The following QTMAN variants were observed in gnomAD, a reference collection of about 807,000 sequenced individuals.
QTMAN encodes queuosine-tRNA mannosyltransferase, also known as tRNA-queuosine alpha-mannosyltransferase.
chr2:143,977,311 A>G, the QTMAN span, among the ~76,000 whole-genome samples: 2 of 152,150 alleles, frequency 1.3e-5, no homozygotes, highest in Admixed American at 6.5e-5. Context: ...TCAAACAGGT[A>G]CAAATAAGTA....
the QTMAN span, among the ~76,000 whole-genome samples, chr2:144,232,770 A>G: frequency 2.0e-5 from 3 of 152,302 alleles, no homozygotes; most frequent in African/African-American, 7.2e-5. Flanking sequence ...ACATATTTAC[A>G]TTGTGAGGAA....
chr2:144,082,186 T>C, the QTMAN span, among the ~76,000 whole-genome samples: 1 of 152,128 alleles, frequency 6.6e-6, no homozygotes, highest in Non-Finnish European at 1.5e-5. Flanking sequence ...CGTGAGTCAC[T>C]CACTCAGCCA....
At chr2:144,177,499 T>C in the QTMAN span, among the ~76,000 whole-genome samples, 1 of 152,152 alleles carries the variant, frequency 6.6e-6, no homozygotes, top group South Asian at 2.1e-4. Context: ...TAGATACAAA[T>C]GCATACGAGG....
the QTMAN span, among the ~76,000 whole-genome samples, chr2:144,262,442 C>T: frequency 6.6e-6 from 1 of 151,546 alleles, no homozygotes; most frequent in Admixed American, 6.6e-5. Flanking sequence ...TGATGGGTCA[C>T]ACCTATAGCC....
At chr2:144,068,806 T>A in the QTMAN span, among the ~76,000 whole-genome samples, 2 of 152,162 alleles carry the variant, frequency 1.3e-5, no homozygotes, top group African/African-American at 4.8e-5. Context: ...AGTCATCTTG[T>A]GAATTAGAAT....
At chr2:144,023,477 C>T in the QTMAN span, among the ~76,000 whole-genome samples, 1 of 152,170 alleles carries the variant, frequency 6.6e-6, no homozygotes, top group African/African-American at 2.4e-5. Context: ...TGGCCAAATT[C>T]CCCTCTTCTG....
At chr2:144,254,684 C>T in the QTMAN span, among the ~76,000 whole-genome samples, 26 of 152,280 alleles carry the variant, frequency 1.7e-4, no homozygotes, top group East Asian at 3.5e-3. Context: ...AATGGGAGAT[C>T]TAGCAACAGC....
At chr2:144,146,774 T>A in the QTMAN span, among the ~76,000 whole-genome samples, 1 of 151,914 alleles carries the variant, frequency 6.6e-6, no homozygotes. Flanking sequence ...ATGCCACCTT[T>A]ATAACATAAT....
chr2:143,945,417 C>T, the QTMAN span: 1 of 152,448 alleles, frequency 6.6e-6, no homozygotes, highest in Non-Finnish European at 1.5e-5. Context: ...GGAGTCTGTT[C>T]AGATGGAGCT....
chr2:144,104,271 G>A, the QTMAN span, among the ~76,000 whole-genome samples: 3 of 152,234 alleles, frequency 2.0e-5, no homozygotes, highest in South Asian at 6.2e-4. Flanking sequence ...CAGAACAGTG[G>A]GTGCAGCCCA....
the QTMAN span, among the ~76,000 whole-genome samples, chr2:143,994,555 C>T: frequency 1.3e-5 from 2 of 152,086 alleles, no homozygotes; most frequent in African/African-American, 2.4e-5. Context: ...TATTATTCAG[C>T]ATTAGAAAGG....
At chr2:144,119,581 C>T in the QTMAN span, among the ~76,000 whole-genome samples, 2 of 152,222 alleles carry the variant, frequency 1.3e-5, no homozygotes, top group Non-Finnish European at 2.9e-5. Flanking sequence ...TGAAGGTTCT[C>T]CAATCCAAGG....
At chr2:144,140,015 A>C in the QTMAN span, among the ~76,000 whole-genome samples, 2 of 152,110 alleles carry the variant, frequency 1.3e-5, no homozygotes, top group East Asian at 3.9e-4. Flanking sequence ...ACTTTTCAAC[A>C]TCTCAACAAA....
At chr2:144,275,614 C>T in the QTMAN span, among the ~76,000 whole-genome samples, 1 of 152,072 alleles carries the variant, frequency 6.6e-6, no homozygotes, top group South Asian at 2.1e-4. Flanking sequence ...GATCCATCTG[C>T]CCTCATCTAT....
At chr2:144,048,414 T>C in the QTMAN span, among the ~76,000 whole-genome samples, 4 of 152,136 alleles carry the variant, frequency 2.6e-5, no homozygotes, top group African/African-American at 9.7e-5. Context: ...TACTACAAGC[T>C]AGGAGCAGAG....
At chr2:144,107,881 C>G in the QTMAN span, among the ~76,000 whole-genome samples, 1 of 152,172 alleles carries the variant, frequency 6.6e-6, no homozygotes, top group East Asian at 1.9e-4. Context: ...CCGAATCCAG[C>G]AGCACATCAA....
the QTMAN span, chr2:144,332,372 A>G: frequency 6.8e-6 from 1 of 147,664 alleles, no homozygotes; most frequent in Non-Finnish European, 1.5e-5. Context: ...CGGGGAGGGG[A>G]GGGGAGGGGC....
the QTMAN span, chr2:143,947,043 C>T: frequency 6.3e-7 from 1 of 1,589,412 alleles, no homozygotes; most frequent in Non-Finnish European, 8.6e-7. Context: ...TGTGACTTAG[C>T]CCCATCTGTC....
At chr2:143,978,755 G>A in the QTMAN span, among the ~76,000 whole-genome samples, 2 of 152,178 alleles carry the variant, frequency 1.3e-5, no homozygotes, top group Non-Finnish European at 2.9e-5. Context: ...CTCTCTCCAA[G>A]TTCATTATTA....
Sources: allele counts gnomAD v4.1 joint callset (sites outside exome capture counted in the v4.1 genomes callset), GRCh38; gene constraint gnomAD v4.1.1; transcripts MANE v1.5; gene names NCBI Gene and HGNC (gene_info 2026-07-23, HGNC 2026-07-21).